CSMD3: variants seen among roughly 807,000 people sequenced by gnomAD.
CSMD3 encodes the protein CUB and sushi domain-containing protein 3.
CSMD3 carries 177 observed loss-of-function variants against 435.2 expected under a neutral mutation model. The observed-to-expected ratio is 0.41, with a 90% confidence interval of 0.36 to 0.46. The LOEUF is 0.46. CSMD3 is among the 20% of genes least tolerant of loss of function. The pLI is 0.34. For missense variants in CSMD3, 4,265 were observed against 4,504.6 expected (o/e 0.95, Z 1.52); for synonymous variants, 1,656 against 1,520.5 (o/e 1.09, Z -2.07).
At chr8:113,097,411 A>G (rs966718535) in intron 5 of CSMD3, among the ~76,000 whole-genome samples, 1 of 152,012 alleles carries the variant, frequency 6.6e-6, no homozygotes, top group East Asian at 1.9e-4. Context: ...GTATTTCACA[A>G]GACTTCCTTC....
intron 22 of CSMD3, among the ~76,000 whole-genome samples, chr8:112,603,510 T>G (rs1274262117): frequency 2.0e-5 from 3 of 152,224 alleles, no homozygotes; most frequent in African/African-American, 7.2e-5. Context: ...CAGTTGTGAT[T>G]TTATATGGCA....
At chr8:112,270,192 G>T (rs1158650679) in intron 59 of CSMD3, among the ~76,000 whole-genome samples, 6 of 152,130 alleles carry the variant, frequency 3.9e-5, no homozygotes, top group Non-Finnish European at 8.8e-5. Context: ...CTCTACTATG[G>T]CCAAGCATAG....
At chr8:112,251,505 T>G (rs553470720) in intron 63 of CSMD3, among the ~76,000 whole-genome samples, 1 of 151,716 alleles carries the variant, frequency 6.6e-6, no homozygotes, top group African/African-American at 2.4e-5. Context: ...GAAAGTAATT[T>G]TTTTTTACTT....
intron 1 of CSMD3, among the ~76,000 whole-genome samples, chr8:113,345,766 C>CT (rs2094147186): frequency 6.6e-6 from 1 of 151,950 alleles, no homozygotes; most frequent in Non-Finnish European, 1.5e-5. Context: ...AAACTTATTC[C>CT]TATCTTCAGT....
intron 35 of CSMD3, among the ~76,000 whole-genome samples, chr8:112,393,301 A>G (rs1047352349): frequency 6.6e-6 from 1 of 152,134 alleles, no homozygotes; most frequent in African/African-American, 2.4e-5. Context: ...AGCCTTCTAA[A>G]CTAATATGCT....
chr8:113,127,504 T>G (rs946582034), intron 4 of CSMD3, among the ~76,000 whole-genome samples: 1 of 151,924 alleles, frequency 6.6e-6, no homozygotes, highest in Non-Finnish European at 1.5e-5. Context: ...TGTCTCCTAC[T>G]TTCCCTCACC....
chr8:112,933,619 G>A (rs563748895), intron 9 of CSMD3, among the ~76,000 whole-genome samples: 3 of 152,216 alleles, frequency 2.0e-5, no homozygotes, highest in African/African-American at 7.2e-5. Flanking sequence ...TTCTGAATAA[G>A]TCACAGTGAA....
intron 8 of CSMD3, among the ~76,000 whole-genome samples, chr8:112,949,339 A>C (rs750232541): frequency 6.6e-6 from 1 of 152,098 alleles, no homozygotes. Context: ...ACAGCTCACT[A>C]ATTCAAATCA....
intron 27 of CSMD3, among the ~76,000 whole-genome samples, chr8:112,535,321 A>G (rs1456825847): frequency 8.5e-5 from 13 of 152,176 alleles, no homozygotes; most frequent in Non-Finnish European, 1.9e-4. Flanking sequence ...ACTTCGGCAA[A>G]GTCTCAGGAT....
chr8:112,600,100 C>T (rs995228653), intron 22 of CSMD3, among the ~76,000 whole-genome samples: 1 of 151,238 alleles, frequency 6.6e-6, no homozygotes, highest in South Asian at 2.1e-4. Flanking sequence ...ACCCAAAAAT[C>T]GAATAACTTA....
intron 1 of CSMD3, among the ~76,000 whole-genome samples, chr8:113,425,833 A>G (rs147509104): frequency 2.6e-5 from 4 of 151,706 alleles, no homozygotes; most frequent in African/African-American, 9.6e-5. Flanking sequence ...AGGTTTTATC[A>G]TTTCCATAAT....
At chr8:112,483,270 C>T (rs1819804719) in intron 31 of CSMD3, among the ~76,000 whole-genome samples, 1 of 152,060 alleles carries the variant, frequency 6.6e-6, no homozygotes, top group Non-Finnish European at 1.5e-5. Context: ...TCCAGTGGAT[C>T]ACTTGAGGTC....
At chr8:112,560,797 C>A (rs554705757) in intron 24 of CSMD3, among the ~76,000 whole-genome samples, 1 of 151,620 alleles carries the variant, frequency 6.6e-6, no homozygotes, top group East Asian at 1.9e-4. Flanking sequence ...TACATTTAAA[C>A]GTCTTTGCTC....
At chr8:113,370,832 A>T (rs908571911) in intron 1 of CSMD3, among the ~76,000 whole-genome samples, 3 of 151,872 alleles carry the variant, frequency 2.0e-5, no homozygotes, top group African/African-American at 7.2e-5. Flanking sequence ...TTTGCCTGTT[A>T]AAAAAAATCT....
At chr8:112,928,172 A>G (rs1394015886) in intron 9 of CSMD3, among the ~76,000 whole-genome samples, 1 of 152,168 alleles carries the variant, frequency 6.6e-6, no homozygotes, top group Non-Finnish European at 1.5e-5. Context: ...TTCCAAAAGA[A>G]GCAATATTCT....
At chr8:113,426,496 A>G (rs1257436307) in intron 1 of CSMD3, among the ~76,000 whole-genome samples, 1 of 151,324 alleles carries the variant, frequency 6.6e-6, no homozygotes, top group African/African-American at 2.4e-5. Flanking sequence ...AGCAAAAAAG[A>G]TAAGAAGATT....
At chr8:112,300,622 A>G (rs1363106066) in intron 53 of CSMD3, among the ~76,000 whole-genome samples, 1 of 152,076 alleles carries the variant, frequency 6.6e-6, no homozygotes, top group African/African-American at 2.4e-5. Flanking sequence ...CACTAGTCTG[A>G]GAGGAACTCC....
At chr8:112,781,140 A>G (rs988431809) in intron 13 of CSMD3, among the ~76,000 whole-genome samples, 8 of 151,836 alleles carry the variant, frequency 5.3e-5, no homozygotes, top group African/African-American at 1.9e-4. Context: ...GCAGACTCCT[A>G]AAGTCCCTGA....
chr8:113,374,050 T>A (rs1414198550), intron 1 of CSMD3, among the ~76,000 whole-genome samples: 1 of 152,000 alleles, frequency 6.6e-6, no homozygotes, highest in African/African-American at 2.4e-5. Context: ...TCTCTCTCTC[T>A]CTCCACATAT....
Sources: allele counts gnomAD v4.1 joint callset (sites outside exome capture counted in the v4.1 genomes callset), GRCh38; gene constraint gnomAD v4.1.1; transcripts MANE v1.5; gene names NCBI Gene and HGNC (gene_info 2026-07-23, HGNC 2026-07-21).